The following CDNF variants were observed in gnomAD, a reference collection of about 807,000 sequenced individuals.
CDNF encodes the protein ARMET-like protein 1.
CDNF carries 9 observed loss-of-function variants against 14.8 expected under a neutral mutation model. That is an observed-to-expected ratio of 0.61 (90% CI 0.37 to 1.06). The LOEUF (loss-of-function observed/expected upper bound fraction) is 1.06. Among genes scored for constraint, CDNF ranks in the 50% least tolerant of loss-of-function variants. The pLI is 0.01. For synonymous variants in CDNF, 86 were observed against 87.2 expected, an observed-to-expected ratio of 0.99 and a Z score of 0.07; for missense variants, 228 against 228.4, an observed-to-expected ratio of 1.00 and a Z score of 0.01.
At chr10:14,832,090 T>C (rs541665182) in intron 1 of CDNF, among the ~76,000 whole-genome samples, 1 of 152,150 alleles carries the variant, frequency 6.6e-6, no homozygotes, top group Non-Finnish European at 1.5e-5. Flanking sequence ...AAAATAAACA[T>C]GGTAAGGAGG....
At position 14,825,509 on chromosome 10, in the gene CDNF, A is replaced by T. The variant is rs760669505; in HGVS notation, c.355T>A (p.Leu119Met). The T allele has an allele frequency of 6.2e-7, 1 of 1,614,070 alleles. No individual in the cohort carries two copies. ...TTCAGCTCACAGATCTGGCTATCCAACTTCTTCAGCTTCTCACAAATCTTC... is the reference window on the plus strand; with the variant it reads ...TTCAGCTCACAGATCTGGCTATCCATCTTCTTCAGCTTCTCACAAATCTTC... ...AMKICEKLKKLDSQICELKYE... is the reference protein window; with the variant it reads ...AMKICEKLKKMDSQICELKYE... The change falls in exon 3 of 4, where the codon TTG becomes ATG. Residue 119 changes from leucine (L) to methionine (M), a missense_variant. Physicochemically the swap from Leu to Met is conservative, Grantham distance 15 (BLOSUM62 2). Transcript: ENST00000465530.
intron 3 of CDNF, among the ~76,000 whole-genome samples, chr10:14,821,246 TCC>T (rs1459203170): frequency 2.6e-5 from 4 of 152,094 alleles, no homozygotes; most frequent in Non-Finnish European, 4.4e-5. Context: ...TGTCTCAGCC[TCC>T]CAAGTAGCTG....
chr10:14,825,584 T>C lies in CDNF; in HGVS notation c.280A>G (p.Lys94Glu). The C allele has an allele frequency of 6.2e-7, 1 of 1,614,104 alleles. No homozygotes were observed. The highest frequency in any genetic ancestry group is 1.7e-5 in the Admixed American group (1 of 59,996). ...GGGCGAGTGACTTCACTTAGGATCT[T>C]TGTGGCTGCGTCTTTTGTGGCTCCT... ...YLGATKDAAT[K>E]ILSEVTRPMS... The change falls in exon 3 of 4, where the codon AAG becomes GAG. Residue 94 changes from lysine to glutamate, a missense_variant. By Grantham distance (56) the Lys-to-Glu change is moderately conservative (BLOSUM62 1). Coordinates refer to ENST00000465530, the MANE Select transcript of CDNF (RefSeq NM_001029954.3).
chr10:14,821,122 T>C (rs1235083345), intron 3 of CDNF, among the ~76,000 whole-genome samples: 2 of 151,970 alleles, frequency 1.3e-5, no homozygotes, highest in Non-Finnish European at 1.5e-5. Flanking sequence ...TCTTAGATAG[T>C]TCTTTTTCTT....
chr10:14,837,469 G>C (rs964400488), intron 1 of CDNF, among the ~76,000 whole-genome samples: 3 of 152,198 alleles, frequency 2.0e-5, no homozygotes, highest in Non-Finnish European at 1.5e-5. Flanking sequence ...GCTTGGACTT[G>C]AAAGACGTCT....
chr10:14,831,665 C>CTG (rs1833845168), intron 1 of CDNF, among the ~76,000 whole-genome samples: 1 of 150,102 alleles, frequency 6.7e-6, no homozygotes, highest in Non-Finnish European at 1.5e-5. Flanking sequence ...CCTCCACCTT[C>CTG]TGAGGTTCAA....
chr10:14,826,049 G>C (rs948315118), intron 2 of CDNF, among the ~76,000 whole-genome samples: 27 of 124,574 alleles, frequency 2.2e-4, no homozygotes, highest in African/African-American at 9.6e-4. Context: ...AGAAGAAGAA[G>C]AAGAAGAAGA....
At chr10:14,832,852 CTTTT>C (rs918887413) in intron 1 of CDNF, among the ~76,000 whole-genome samples, 9 of 80,496 alleles carry the variant, frequency 1.1e-4, no homozygotes, top group Admixed American at 4.8e-4. Flanking sequence ...TCTTTTTTTG[CTTTT>C]TTTTTTTTTT....
At chr10:14,830,499 A>C (rs998696675) in intron 1 of CDNF, among the ~76,000 whole-genome samples, 3 of 152,086 alleles carry the variant, frequency 2.0e-5, no homozygotes, top group Non-Finnish European at 4.4e-5. Context: ...TTAGAACTTT[A>C]ACTGTATGAA....
At chr10:14,830,234 T>C (rs549140658) in intron 1 of CDNF, among the ~76,000 whole-genome samples, 2 of 152,282 alleles carry the variant, frequency 1.3e-5, no homozygotes, top group Admixed American at 1.3e-4. Flanking sequence ...TTCTCAGAGA[T>C]ATATATTTTT....
chr10:14,826,287 AAGCAGCAGAAGCAGC>A (rs1400695956), intron 2 of CDNF, among the ~76,000 whole-genome samples: 1 of 151,742 alleles, frequency 6.6e-6, no homozygotes, highest in Non-Finnish European at 1.5e-5. Flanking sequence ...GAAGCAGTAG[AAGCAGCAGAAGCAGC>A]AGCAGAAGAA....
chr10:14,830,813 T>TC, intron 1 of CDNF, among the ~76,000 whole-genome samples: 1 of 152,244 alleles, frequency 6.6e-6, no homozygotes, highest in South Asian at 2.1e-4. Flanking sequence ...ACCATTATAC[T>TC]CCAGTCTGGG....
At position 14,823,904 on chromosome 10, in the gene CDNF, T is replaced by C. The variant is rs139693468; in HGVS notation, c.385+1575A>G. Among the ~76,000 whole-genome samples the C allele has an allele frequency of 4.1e-4, 63 of 152,350 alleles. No individual in the cohort carries two copies. In the East Asian group the frequency reaches 0.012, roughly 28 times the overall value. On this transcript the variant is annotated intron_variant, in intron 3 of 3. Transcript: ENST00000465530. The stretch of plus-strand genomic sequence containing the variant: ...GGCTTGGAAGCCAATAAAAAAGGGA[T>C]GCCTACTCTAATAACTACCCTGGAA...
chr10:14,834,525 G>T (rs1366037330), intron 1 of CDNF, among the ~76,000 whole-genome samples: 1 of 152,036 alleles, frequency 6.6e-6, no homozygotes, highest in Middle Eastern at 3.2e-3. Context: ...TCATCTAGGT[G>T]ATGAAAGTTA....
intron 1 of CDNF, among the ~76,000 whole-genome samples, chr10:14,831,795 C>T (rs72772417): frequency 0.058 from 8,882 of 152,068 alleles, 317 homozygotes; most frequent in Middle Eastern, 0.11. Flanking sequence ...AGGACGGTCT[C>T]GATCTCCTCA....
chr10:14,825,357 A>C, intron 3 of CDNF, 122 bp downstream of exon 3: 1 of 951,144 alleles, frequency 1.1e-6, no homozygotes, highest in Non-Finnish European at 1.6e-6. Flanking sequence ...CAGCCAAGCA[A>C]CTTATTGATG....
At position 14,819,829 on chromosome 10, in the gene CDNF, C is replaced by T; in HGVS notation, c.*151G>A. On this transcript the variant is annotated 3_prime_UTR_variant, in exon 4 of 4. Coordinates refer to ENST00000465530, the MANE Select transcript of CDNF (RefSeq NM_001029954.3). ...CAGTAGTATTAGTTTCACTCATAAA[C>T]CCACGTAACAAAATTCTGAGGAATA... The T allele has an allele frequency of 1.3e-6, 1 of 741,340 alleles. No individual in the cohort carries two copies. Among genetic ancestry groups the T allele is most frequent in the Non-Finnish European group, 2.2e-6 (1 of 456,306 alleles). 45.9% of individuals were successfully genotyped at this position (741,340 alleles called of 1,614,324 possible).
At chr10:14,830,071 A>G (rs534203087) in intron 1 of CDNF, among the ~76,000 whole-genome samples, 1 of 152,322 alleles carries the variant, frequency 6.6e-6, no homozygotes, top group African/African-American at 2.4e-5. Flanking sequence ...ATGAAGGAGC[A>G]TTATTTCCAG....
At chr10:14,834,869 T>A (rs1370245942) in intron 1 of CDNF, among the ~76,000 whole-genome samples, 1 of 152,184 alleles carries the variant, frequency 6.6e-6, no homozygotes, top group Non-Finnish European at 1.5e-5. Flanking sequence ...GCAGGAAGAA[T>A]GCTATTTTGA....
Sources: allele counts gnomAD v4.1 joint callset (sites outside exome capture counted in the v4.1 genomes callset), GRCh38; gene constraint gnomAD v4.1.1; transcripts MANE v1.5; gene names NCBI Gene and HGNC (gene_info 2026-07-23, HGNC 2026-07-21).